Variants in PJA2 observed in about 807,000 individuals in gnomAD.
The protein encoded by PJA2 is praja ring finger ubiquitin ligase 2, also known as E3 ubiquitin-protein ligase Praja-2.
Under a neutral mutation model 69.3 loss-of-function variants are expected in PJA2, and 25 were observed. That is an observed-to-expected ratio of 0.36 (90% CI 0.26 to 0.50). The LOEUF (loss-of-function observed/expected upper bound fraction) is 0.50. Ranked by LOEUF, PJA2 falls within the 20% of genes least tolerant of loss-of-function variation. The pLI is 0.96. For missense variants in PJA2, 809 were observed against 830.2 expected (o/e 0.97, Z 0.31); for synonymous variants, 308 against 277.8 (o/e 1.11, Z -1.08).
At chr5:109,350,716 T>C (rs1247673259) in intron 7 of PJA2, among the ~76,000 whole-genome samples, 1 of 152,200 alleles carries the variant, frequency 6.6e-6, no homozygotes, top group Non-Finnish European at 1.5e-5. Flanking sequence ...GTTAAGTGAA[T>C]TGTCCAAGGT....
At chr5:109,393,349 A>G (rs1747323024) in intron 1 of PJA2, among the ~76,000 whole-genome samples, 3 of 152,222 alleles carry the variant, frequency 2.0e-5, no homozygotes, top group African/African-American at 7.2e-5. Flanking sequence ...ATGTTAAGCA[A>G]CTGGATGTTA....
chr5:109,378,055 A>T, intron 4 of PJA2, 149 bp downstream of exon 4: 1 of 598,360 alleles, frequency 1.7e-6, no homozygotes. Context: ...GTTTGCATGT[A>T]TGGTTAGCAT....
chr5:109,385,668 G>C (rs946801199), intron 1 of PJA2, among the ~76,000 whole-genome samples: 4 of 152,172 alleles, frequency 2.6e-5, no homozygotes, highest in African/African-American at 9.7e-5. Context: ...ACTTGGATGA[G>C]ATCTCTAGGT....
In PJA2 at chr5:109,366,823, T is replaced by G. The variant is rs2088707551; in HGVS notation, c.1469+1738A>C. On this transcript the variant is annotated intron_variant, in intron 5 of 9. Coordinates refer to ENST00000361189, the MANE Select transcript of PJA2 (RefSeq NM_014819.5). ...CTTAGTAAACTAAACTAACAGTGAT[T>G]AAAGGCAATCAAATATAAAATCATG... Among the ~76,000 whole-genome samples the G allele has an allele frequency of 2.0e-5, 3 of 152,162 alleles. No individual in the cohort carries two copies. The South Asian group carries it at 6.2e-4, about 32-fold the overall frequency.
chr5:109,337,467 A>G, intron 9 of PJA2, 111 bp from the exon 10 acceptor site: 1 of 1,245,462 alleles, frequency 8.0e-7, no homozygotes, highest in Non-Finnish European at 1.1e-6. Flanking sequence ...TCTTAACAAC[A>G]AAAAACAAAC....
In PJA2 at chr5:109,378,520, T is replaced by G; in HGVS notation, c.967A>C (p.Ser323Arg). The G allele has an allele frequency of 6.2e-7, 1 of 1,614,186 alleles. No homozygotes were observed. The highest frequency in any genetic ancestry group is 1.7e-5 in the Admixed American group (1 of 60,022). The change falls in exon 4 of 10, where the codon AGT (serine) becomes CGT (arginine). Residue 323 changes from serine to arginine, a missense_variant. Transcript: ENST00000361189. ...VVRPKVRKLI[S>R]SSQVDQETGF... ...GTTTCTTGGTCCACCTGGCTTGAAC[T>G]TATCAGTTTTCTAACTTTTGGCCTC...
At chr5:109,370,758 C>T (rs1762662864) in intron 4 of PJA2, among the ~76,000 whole-genome samples, 1 of 152,134 alleles carries the variant, frequency 6.6e-6, no homozygotes, top group Admixed American at 6.6e-5. Flanking sequence ...AAATTACCAA[C>T]TCCTATTTTA....
chr5:109,398,165 G>T (rs1022843952), intron 1 of PJA2, among the ~76,000 whole-genome samples: 6 of 152,204 alleles, frequency 3.9e-5, no homozygotes, highest in African/African-American at 1.4e-4. Context: ...AGGTGCTGGA[G>T]AGGATGTGGA....
At chr5:109,342,235 T>G in intron 9 of PJA2, among the ~76,000 whole-genome samples, 1 of 41,874 alleles carries the variant, frequency 2.4e-5, no homozygotes. Context: ...AGCCGCCCTG[T>G]CCAGGAGGTG....
In PJA2 at chr5:109,390,380, G is replaced by C. The variant is rs558007594; in HGVS notation, c.-87-6860C>G. The stretch of plus-strand genomic sequence containing the variant: ...ACACTTCTCTCCTTAAATCTATTTT[G>C]TCTGGTATTAATATAGCCACATCAG... On this transcript the variant is annotated intron_variant, in intron 1 of 9. Coordinates refer to ENST00000361189, the MANE Select transcript of PJA2 (RefSeq NM_014819.5). Among the ~76,000 whole-genome samples, 3 of 151,114 alleles carry C rather than the reference G, an allele frequency of 2.0e-5. No individual in the cohort carries two copies. In the East Asian group the frequency reaches 5.8e-4, roughly 29 times the overall value.
chr5:109,380,614 C>A (rs1747019875), intron 3 of PJA2, among the ~76,000 whole-genome samples: 1 of 151,272 alleles, frequency 6.6e-6, no homozygotes. Context: ...TCGAGACCAG[C>A]CTGGGCAACA....
At chr5:109,361,460 C>T (rs1762503741) in intron 6 of PJA2, among the ~76,000 whole-genome samples, 1 of 152,176 alleles carries the variant, frequency 6.6e-6, no homozygotes. Flanking sequence ...AGAAAACATT[C>T]CTTCATATGT....
intron 1 of PJA2, among the ~76,000 whole-genome samples, chr5:109,400,117 C>T (rs1468091529): frequency 6.6e-6 from 1 of 151,648 alleles, no homozygotes; most frequent in Non-Finnish European, 1.5e-5. Flanking sequence ...TAGTGATACC[C>T]GTCTCTACTA....
chr5:109,379,370 A>G, intron 3 of PJA2, 116 bp from the exon 4 acceptor site: 1 of 734,000 alleles, frequency 1.4e-6, no homozygotes, highest in Non-Finnish European at 2.2e-6. Flanking sequence ...ATACATGAGT[A>G]AATTTATTTA....
intron 9 of PJA2, among the ~76,000 whole-genome samples, chr5:109,339,776 C>G (rs1226775980): frequency 6.6e-6 from 1 of 152,170 alleles, no homozygotes; most frequent in Non-Finnish European, 1.5e-5. Context: ...GTGCCAAACA[C>G]TATATTAAAT....
intron 7 of PJA2, among the ~76,000 whole-genome samples, chr5:109,346,078 G>C (rs1469883289): frequency 6.6e-6 from 1 of 152,180 alleles, no homozygotes; most frequent in East Asian, 1.9e-4. Flanking sequence ...CATAAGTCCT[G>C]TCTCTTCCAT....
chr5:109,361,397 T>G (rs1243118995), intron 6 of PJA2, among the ~76,000 whole-genome samples: 1 of 152,186 alleles, frequency 6.6e-6, no homozygotes, highest in Non-Finnish European at 1.5e-5. Context: ...GGAAGGAGCA[T>G]CTTCACAATG....
chr5:109,354,295 T>C (rs1031714076), intron 7 of PJA2, among the ~76,000 whole-genome samples: 4 of 147,774 alleles, frequency 2.7e-5, no homozygotes, highest in African/African-American at 7.6e-5. Context: ...ATATCTATGA[T>C]ATCTAGAGAT....
At chr5:109,369,405 C>T (rs538438865) in intron 4 of PJA2, among the ~76,000 whole-genome samples, 1 of 152,282 alleles carries the variant, frequency 6.6e-6, no homozygotes, top group South Asian at 2.1e-4. Context: ...TCTTACACTA[C>T]ATCCATGGTA....
Sources: allele counts gnomAD v4.1 joint callset (sites outside exome capture counted in the v4.1 genomes callset), GRCh38; gene constraint gnomAD v4.1.1; transcripts MANE v1.5; gene names NCBI Gene and HGNC (gene_info 2026-07-23, HGNC 2026-07-21).